Variants in TBC1D5 observed in about 807,000 individuals in gnomAD.
TBC1D5 encodes TBC1 domain family, member 5.
In TBC1D5, 75 loss-of-function variants were observed where a neutral mutation model predicts 100.3. The ratio of observed to expected loss-of-function variants is 0.75; its 90% CI spans 0.62 to 0.91. The LOEUF is 0.91. TBC1D5 is among the 40% of genes least tolerant of loss of function. TBC1D5 has a pLI of 0.00. For missense variants in TBC1D5, 910 were observed against 942.4 expected, an observed-to-expected ratio of 0.97 and a Z score of 0.45; for synonymous variants, 323 against 325.6, an observed-to-expected ratio of 0.99 and a Z score of 0.09.
At position 17,238,158 on chromosome 3, in the gene TBC1D5, C is replaced by T; in HGVS notation, c.1588+5G>A. 2 of 1,606,820 alleles carry T rather than the reference C, an allele frequency of 1.2e-6. No homozygotes were observed. The highest frequency in any genetic ancestry group is 1.7e-5 in the Admixed American group (1 of 58,492). ...TTCTTTAGATTTACTAGTATTTTTT[C>T]CTACCTTTGTTCAATTGCACAGGCA... On this transcript the variant is annotated splice_donor_5th_base_variant and intron_variant, in intron 17 of 21. Coordinates refer to ENST00000253692, the Ensembl canonical transcript of TBC1D5.
intron 13 of TBC1D5, among the ~76,000 whole-genome samples, chr3:17,334,154 G>C (rs559324013): frequency 1.3e-5 from 2 of 151,940 alleles, no homozygotes; most frequent in Non-Finnish European, 2.9e-5. Context: ...TGGTGTGGTC[G>C]CTGGAAATAT....
At chr3:17,611,837 T>C (rs1437314695) in intron 2 of TBC1D5, among the ~76,000 whole-genome samples, 3 of 152,208 alleles carry the variant, frequency 2.0e-5, no homozygotes, top group Non-Finnish European at 1.5e-5. Context: ...ATGCTAAGAA[T>C]AATGCATTAT....
intron 4 of TBC1D5, 104 bp downstream of exon 4, chr3:17,428,346 T>C (rs1227305727): frequency 1.4e-5 from 5 of 354,472 alleles, no homozygotes; most frequent in Non-Finnish European, 2.2e-5. Flanking sequence ...CTATTCTAGA[T>C]CAAAACCCTA....
intron 1 of TBC1D5, among the ~76,000 whole-genome samples, chr3:17,736,234 G>C (rs1441585504): frequency 6.6e-6 from 1 of 152,060 alleles, no homozygotes; most frequent in Non-Finnish European, 1.5e-5. Context: ...ACTCCAGCCT[G>C]AGTAACAGAG....
In TBC1D5 at chr3:17,606,277, A is replaced by C. The variant is rs755286483; in HGVS notation, c.-36+17572T>G. ...GGCAACATAGAGTGACACCAGCTCCACAAAAAAATTAAAAAATTAGCCATC... is the reference window on the plus strand; with the variant it reads ...GGCAACATAGAGTGACACCAGCTCCCCAAAAAAATTAAAAAATTAGCCATC... On this transcript the variant is annotated intron_variant, in intron 2 of 21. Coordinates refer to ENST00000253692, the Ensembl canonical transcript of TBC1D5. Among the ~76,000 whole-genome samples, 197 of 152,094 alleles carry C rather than the reference A, an allele frequency of 1.3e-3. 3 individuals are homozygous for C. Among genetic ancestry groups the C allele is most frequent in the Non-Finnish European group, 4.4e-4 (30 of 68,010 alleles).
At chr3:17,573,180 T>G (rs917271756) in intron 2 of TBC1D5, among the ~76,000 whole-genome samples, 6 of 152,020 alleles carry the variant, frequency 3.9e-5, no homozygotes, top group African/African-American at 9.7e-5. Flanking sequence ...AGGGATGGCA[T>G]TATCAACCAA....
chr3:17,640,444 T>C (rs2064384027), intron 1 of TBC1D5, among the ~76,000 whole-genome samples: 1 of 152,062 alleles, frequency 6.6e-6, no homozygotes, highest in Admixed American at 6.6e-5. Context: ...GGCCAAATCC[T>C]TCCACCCAAA....
intron 16 of TBC1D5, among the ~76,000 whole-genome samples, chr3:17,254,593 G>T (rs2077466254): frequency 6.6e-6 from 1 of 151,944 alleles, no homozygotes; most frequent in African/African-American, 2.4e-5. Context: ...CGGGATATAT[G>T]TATTAAAAAT....
intron 15 of TBC1D5, among the ~76,000 whole-genome samples, chr3:17,269,152 G>T (rs892417280): frequency 6.6e-6 from 1 of 152,158 alleles, no homozygotes; most frequent in Non-Finnish European, 1.5e-5. Flanking sequence ...GCCAGCCCTG[G>T]ATAGGAGTAA....
chr3:17,347,287 A>G (rs888337149), intron 13 of TBC1D5, among the ~76,000 whole-genome samples: 1 of 152,184 alleles, frequency 6.6e-6, no homozygotes, highest in African/African-American at 2.4e-5. Flanking sequence ...TCTGATATCA[A>G]GCACCTGAAA....
At chr3:17,464,827 C>A (rs2095275710) in intron 3 of TBC1D5, among the ~76,000 whole-genome samples, 1 of 151,750 alleles carries the variant, frequency 6.6e-6, no homozygotes, top group African/African-American at 2.4e-5. Flanking sequence ...GGCCCATGAG[C>A]TAAGAATAGT....
intron 2 of TBC1D5, among the ~76,000 whole-genome samples, chr3:17,536,672 A>C (rs1295574617): frequency 1.3e-5 from 2 of 152,162 alleles, no homozygotes; most frequent in Non-Finnish European, 1.5e-5. Context: ...GTTTGGTTTT[A>C]TGCATGTTAG....
chr3:17,615,803 G>A (rs1225918817), intron 2 of TBC1D5, among the ~76,000 whole-genome samples: 1 of 152,092 alleles, frequency 6.6e-6, no homozygotes, highest in East Asian at 1.9e-4. Flanking sequence ...CTTGCTAGCG[G>A]TCTATCAATT....
chr3:17,434,291 C>T (rs917781619), intron 3 of TBC1D5, among the ~76,000 whole-genome samples: 1 of 152,250 alleles, frequency 6.6e-6, no homozygotes, highest in Non-Finnish European at 1.5e-5. Flanking sequence ...CCTGTCCCTA[C>T]AGCAGACTTC....
At chr3:17,383,560 C>G (rs988941314) in intron 9 of TBC1D5, among the ~76,000 whole-genome samples, 3 of 151,892 alleles carry the variant, frequency 2.0e-5, no homozygotes, top group African/African-American at 7.2e-5. Context: ...CATGACATGT[C>G]ATATATTTAT....
chr3:17,195,393 A>C (rs2070521761), intron 18 of TBC1D5, among the ~76,000 whole-genome samples: 2 of 152,232 alleles, frequency 1.3e-5, no homozygotes, highest in Non-Finnish European at 2.9e-5. Flanking sequence ...GCCAGCCAGC[A>C]CCAGGGCCTC....
At position 17,226,241 on chromosome 3, in the gene TBC1D5, G is replaced by A. The variant is rs531303354; in HGVS notation, c.1589-11871C>T. ...GCTTCCCCTGGACAGCTCCTGAGCT[G>A]AGGGGTCAGTATTCTCAGCAAGCTT... On this transcript the variant is annotated intron_variant, in intron 17 of 21. Coordinates refer to ENST00000253692, the Ensembl canonical transcript of TBC1D5. 8.6e-5 allele frequency among the ~76,000 whole-genome samples: 13 copies of A among 151,104 alleles called. No individual in the cohort carries two copies. In the East Asian group the frequency reaches 2.5e-3, roughly 29 times the overall value.
At chr3:17,647,901 T>C (rs2153710201) in intron 1 of TBC1D5, among the ~76,000 whole-genome samples, 1 of 152,178 alleles carries the variant, frequency 6.6e-6, no homozygotes, top group Non-Finnish European at 1.5e-5. Context: ...CAATGGTGTC[T>C]TGAAATGGAG....
chr3:17,453,542 G>C (rs2094978976), intron 3 of TBC1D5, among the ~76,000 whole-genome samples: 1 of 151,984 alleles, frequency 6.6e-6, no homozygotes, highest in African/African-American at 2.4e-5. Flanking sequence ...ACAATAAATT[G>C]GACAATCTAG....
Sources: gnomAD v4.1 joint callset for allele counts (sites outside exome capture counted in the v4.1 genomes callset) on GRCh38, gnomAD v4.1.1 for gene constraint, MANE v1.5 for transcripts, NCBI Gene and HGNC (gene_info 2026-07-23, HGNC 2026-07-21) for gene names.